The following ALDH7A1 variants were observed in gnomAD, a reference collection of about 807,000 sequenced individuals.
ALDH7A1 encodes the protein aldehyde dehydrogenase 7 family member A1.
In ALDH7A1, 63 loss-of-function variants were observed where a neutral mutation model predicts 79.9. That is an observed-to-expected ratio of 0.79 (90% CI 0.64 to 0.97). The LOEUF (loss-of-function observed/expected upper bound fraction) is 0.97, where lower values mean the gene tolerates loss of function less well. Among genes scored for constraint, ALDH7A1 ranks in the 50% least tolerant of loss-of-function variants. ALDH7A1 has a pLI of 0.00. For synonymous variants in ALDH7A1, 240 were observed against 231.2 expected, an observed-to-expected ratio of 1.04 and a Z score of -0.34; for missense variants, 627 against 665.2, an observed-to-expected ratio of 0.94 and a Z score of 0.63.
chr5:126,549,796 G>T, intron 16 of ALDH7A1, 133 bp downstream of exon 16: 1 of 867,586 alleles, frequency 1.2e-6, no homozygotes, highest in Non-Finnish European at 2.0e-6. Context: ...AGCTTTTTCA[G>T]ATATGTTAGA....
intron 5 of ALDH7A1, among the ~76,000 whole-genome samples, chr5:126,577,721 C>CA: frequency 6.6e-6 from 1 of 152,034 alleles, no homozygotes; most frequent in Non-Finnish European, 1.5e-5. Flanking sequence ...CACGCACCAC[C>CA]ATGCCCAGCT....
intron 2 of ALDH7A1, 56 bp from the exon 3 acceptor site, chr5:126,592,785 C>T (rs936092958): frequency 2.0e-6 from 3 of 1,508,506 alleles, no homozygotes; most frequent in Non-Finnish European, 2.8e-6. Flanking sequence ...TGATGATGAT[C>T]TTCTAGAACA....
At chr5:126,558,100 G>A (rs1445195274) in intron 11 of ALDH7A1, among the ~76,000 whole-genome samples, 3 of 147,084 alleles carry the variant, frequency 2.0e-5, no homozygotes, top group Non-Finnish European at 3.0e-5. Context: ...TCCAGGAGGT[G>A]GAGGTTGCAG....
intron 12 of ALDH7A1, chr5:126,554,833 T>C (rs751936094): frequency 3.4e-6 from 1 of 292,628 alleles, no homozygotes; most frequent in Non-Finnish European, 6.6e-6. Context: ...GGTGTATAAT[T>C]CAAGGGGGAA....
In ALDH7A1 at chr5:126,594,946, C is replaced by T. The variant is rs562329262; in HGVS notation, c.192+61G>A. On this transcript the variant is annotated intron_variant, in intron 1 of 17. Coordinates refer to ENST00000409134, the MANE Select transcript of ALDH7A1 (RefSeq NM_001182.5). ...CCAGCGGGGAGTCGGTAGGTCAGTG[C>T]CCGCCCGGCCTCCTCGAGCGAGCCC... 105 of 1,548,714 alleles carry T rather than the reference C, an allele frequency of 6.8e-5. 1 individual carries two copies. The South Asian group carries it at 1.2e-3, about 18-fold the overall frequency.
chr5:126,558,671 G>A, intron 11 of ALDH7A1, among the ~76,000 whole-genome samples: 1 of 151,964 alleles, frequency 6.6e-6, no homozygotes, highest in Non-Finnish European at 1.5e-5. Flanking sequence ...CTACAAGCAT[G>A]AGCCATCATG....
In ALDH7A1 at chr5:126,593,513, C is replaced by A. The variant is rs964132488; in HGVS notation, c.193-109G>T. 4.1e-6 allele frequency: 6 copies of A among 1,475,104 alleles called. No individual in the cohort carries two copies. The African/African-American group carries it at 5.6e-5, about 14-fold the overall frequency. 91.4% of individuals were successfully genotyped at this position (1,475,104 alleles called of 1,614,324 possible). ...AAGAGAGGAAAAAATGATATAATAC[C>A]CAAACTCAAAAAGCTTAGGTTAACT... On this transcript the variant is annotated intron_variant, in intron 1 of 17. Transcript: ENST00000409134.
chr5:126,557,573 G>C (rs996770684), intron 11 of ALDH7A1, among the ~76,000 whole-genome samples: 41 of 149,686 alleles, frequency 2.7e-4, no homozygotes, highest in African/African-American at 9.8e-4. Flanking sequence ...CCAACAGAGA[G>C]AGACTCCATC....
chr5:126,578,295 T>A (rs1007592688), intron 5 of ALDH7A1, among the ~76,000 whole-genome samples: 9 of 148,400 alleles, frequency 6.1e-5, no homozygotes, highest in African/African-American at 2.0e-4. Context: ...CCTCAAAAAA[T>A]AAATAAATAA....
intron 3 of ALDH7A1, among the ~76,000 whole-genome samples, chr5:126,585,025 G>A (rs943406848): frequency 1.4e-4 from 21 of 152,116 alleles, no homozygotes; most frequent in Admixed American, 3.9e-4. Context: ...AAGGCTGGGC[G>A]CGGTGGCTCA....
chr5:126,560,068 T>C (rs78324134), intron 10 of ALDH7A1, among the ~76,000 whole-genome samples: 3,719 of 152,044 alleles, frequency 0.024, 160 homozygotes, highest in African/African-American at 0.086. Flanking sequence ...GTGGGGACTG[T>C]TGTAGGGATT....
intron 6 of ALDH7A1, among the ~76,000 whole-genome samples, chr5:126,576,485 C>T (rs1254354903): frequency 5.9e-5 from 9 of 152,108 alleles, no homozygotes; most frequent in Admixed American, 5.2e-4. Flanking sequence ...TTAATTTCTT[C>T]CACTGAACAC....
intron 11 of ALDH7A1, among the ~76,000 whole-genome samples, chr5:126,557,342 T>G (rs2112765161): frequency 6.6e-6 from 1 of 152,310 alleles, no homozygotes; most frequent in East Asian, 1.9e-4. Context: ...ATTTCAGCAC[T>G]TTGGGAGGCC....
intron 13 of ALDH7A1, 46 bp from the exon 14 acceptor site, chr5:126,552,183 C>G: frequency 1.3e-6 from 2 of 1,512,802 alleles, no homozygotes; most frequent in Non-Finnish European, 1.8e-6. Context: ...ATTTTGTTTT[C>G]TAGGACTTGG....
At chr5:126,593,709 G>A (rs886985732) in intron 1 of ALDH7A1, 23 of 503,676 alleles carry the variant, frequency 4.6e-5, no homozygotes, top group Admixed American at 2.9e-4. Flanking sequence ...AGACCAAACT[G>A]ACTAGTTTTA....
At chr5:126,589,956 C>T (rs1436877434) in intron 3 of ALDH7A1, among the ~76,000 whole-genome samples, 1 of 149,672 alleles carries the variant, frequency 6.7e-6, no homozygotes, top group Admixed American at 6.6e-5. Flanking sequence ...CTCTGCCCAG[C>T]TGCTGCCCCA....
At position 126,592,527 on chromosome 5, in the gene ALDH7A1, G is replaced by A. The variant is rs138613193; in HGVS notation, c.312+137C>T. 4 of 839,244 alleles carry A rather than the reference G, an allele frequency of 4.8e-6. No individual in the cohort carries two copies. In the East Asian group the frequency reaches 1.1e-4, roughly 22 times the overall value. The allele number at this position is 839,244 out of a possible 1,614,324, so 52.0% of individuals were successfully genotyped here. On this transcript the variant is annotated intron_variant, in intron 3 of 17. Coordinates refer to ENST00000409134, the MANE Select transcript of ALDH7A1 (RefSeq NM_001182.5). ...TGTTTCCAAAACAGCAGGAGCCCTA[G>A]TACAGTATCACAGCCCCCAAGGAGC...
rs1211626533 is a variant in ALDH7A1, at chr5:126,595,189, G to A, written c.10C>T (p.Leu4Phe). The change falls in exon 1 of 18, where the codon CTT becomes TTT. Residue 4 changes from leucine to phenylalanine, a missense_variant. Coordinates refer to ENST00000409134, the MANE Select transcript of ALDH7A1 (RefSeq NM_001182.5). The stretch of plus-strand genomic sequence containing the variant: ...GCGTGCACACACAGCGCGCGAGGAA[G>A]GCGCCACATACTGAGCCCGGGACTC... MWR[L>F]PRALCVHAAK... 6 of 1,552,054 alleles carry A rather than the reference G, an allele frequency of 3.9e-6. No homozygotes were observed. The highest frequency in any genetic ancestry group is 2.4e-5 in the South Asian group (2 of 84,150).
chr5:126,553,626 C>A (rs1385228192), intron 13 of ALDH7A1, among the ~76,000 whole-genome samples: 6 of 151,940 alleles, frequency 3.9e-5, no homozygotes, highest in African/African-American at 1.2e-4. Flanking sequence ...ACAGGAGAAT[C>A]GCTTGAACCT....
Sources: allele counts gnomAD v4.1 joint callset (sites outside exome capture counted in the v4.1 genomes callset), GRCh38; gene constraint gnomAD v4.1.1; transcripts MANE v1.5; gene names NCBI Gene and HGNC (gene_info 2026-07-23, HGNC 2026-07-21).